Variants in MYCT1 observed in about 807,000 individuals in gnomAD.
The protein encoded by MYCT1 is myc target protein 1.
MYCT1 carries 12 observed loss-of-function variants against 15.0 expected under a neutral mutation model. The observed-to-expected ratio is 0.80, with a 90% CI of 0.51 to 1.29. The LOEUF is 1.29. Among genes scored for constraint, MYCT1 ranks in the 50% most tolerant of loss-of-function variants. MYCT1 has a pLI of 0.00. For missense variants in MYCT1, 287 were observed against 279.1 expected (o/e 1.03, Z -0.20); for synonymous variants, 104 against 102.7 (o/e 1.01, Z -0.07).
rs1583978954 is a variant in MYCT1, at chr6:152,723,891, A to T, written c.*1638A>T. 6.6e-6 allele frequency: 1 copy of T among 152,236 alleles called. No homozygotes were observed. Among genetic ancestry groups the T allele is most frequent in the East Asian group, 1.9e-4 (1 of 5,202 alleles). The allele number at this position is 152,236 out of a possible 1,614,324, so 9.4% of individuals were successfully genotyped here. A position where few individuals can be genotyped will look rare whatever the true frequency, so the allele number is the denominator to read the frequency against. On this transcript the variant is annotated 3_prime_UTR_variant, in exon 2 of 2. Coordinates refer to ENST00000367245, the MANE Select transcript of MYCT1 (RefSeq NM_025107.3). ...TGAACAGTGGGATTTTCAGTGAAAAAGTACCCTCTTTTTCATTTCCTATTG... is the reference window on the plus strand; with the variant it reads ...TGAACAGTGGGATTTTCAGTGAAAATGTACCCTCTTTTTCATTTCCTATTG...
At chr6:152,728,207 C>T (rs1397669884), downstream of MYCT1, among the ~76,000 whole-genome samples, 2 of 151,534 alleles carry the variant, frequency 1.3e-5, no homozygotes, top group Non-Finnish European at 2.9e-5. Flanking sequence ...AGGTAAGCCT[C>T]TGCTTAGCTA....
At chr6:152,706,593 G>A (rs889072921) in intron 1 of MYCT1, among the ~76,000 whole-genome samples, 3 of 152,078 alleles carry the variant, frequency 2.0e-5, no homozygotes, top group East Asian at 3.9e-4. Context: ...TTTGTTTAAA[G>A]TTAAAAATAC....
intron 1 of MYCT1, among the ~76,000 whole-genome samples, chr6:152,706,847 A>G (rs1406963309): frequency 1.1e-4 from 16 of 148,198 alleles, no homozygotes; most frequent in African/African-American, 2.5e-4. Context: ...GAAACCATAT[A>G]TGTGTGTGTG....
At chr6:152,706,035 A>G in intron 1 of MYCT1, 1 of 1,086,196 alleles carries the variant, frequency 9.2e-7, no homozygotes. Flanking sequence ...TACAGCAGAA[A>G]TTGTAGTCAC....
At chr6:152,698,999 T>C (rs2099720886) in intron 1 of MYCT1, among the ~76,000 whole-genome samples, 1 of 152,162 alleles carries the variant, frequency 6.6e-6, no homozygotes, top group African/African-American at 2.4e-5. Context: ...GCAATTTAAA[T>C]TAAATTCAGA....
rs1182180505 is a variant in MYCT1, at chr6:152,712,699, T to G, written c.197-9043T>G. Among the ~76,000 whole-genome samples, 7 of 152,290 alleles carry G rather than the reference T, an allele frequency of 4.6e-5. No individual in the cohort carries two copies. The South Asian group carries it at 1.2e-3, about 27-fold the overall frequency. On this transcript the variant is annotated intron_variant, in intron 1 of 1. Transcript: ENST00000367245. ...CACTACTATACTTAAGGGATACTTT[T>G]GCTGGATATAAAATTCTGAGTTGAC...
At chr6:152,715,448 C>T (rs1290825493) in intron 1 of MYCT1, among the ~76,000 whole-genome samples, 2 of 152,102 alleles carry the variant, frequency 1.3e-5, no homozygotes, top group African/African-American at 2.4e-5. Flanking sequence ...CACAAAAAGG[C>T]ATCTACAATT....
At chr6:152,734,285 G>A in the MYCT1 span, among the ~76,000 whole-genome samples, 3 of 152,094 alleles carry the variant, frequency 2.0e-5, no homozygotes, top group East Asian at 5.8e-4. Flanking sequence ...TTATTCTAAG[G>A]ATTTCAGTCC....
chr6:152,738,472 T>C, the MYCT1 span, among the ~76,000 whole-genome samples: 1 of 152,090 alleles, frequency 6.6e-6, no homozygotes, highest in African/African-American at 2.4e-5. Flanking sequence ...AGGTTTTCAC[T>C]AGAGGTTTTC....
Position 152,712,613 on chromosome 6 carries a change from G to A in MYCT1, c.197-9129G>A, listed in dbSNP as rs1440287995. ...TTCTGCGTCGCTCACCCTGGGAGCT[G>A]TAGACCGGAGCTGTTCCTATTCGGC... On this transcript the variant is annotated intron_variant, in intron 1 of 1. Coordinates refer to ENST00000367245, the MANE Select transcript of MYCT1 (RefSeq NM_025107.3). Among the ~76,000 whole-genome samples the A allele has an allele frequency of 6.7e-4, 11 of 16,486 alleles. 5 individuals carry two copies. Among genetic ancestry groups the A allele is most frequent in the African/African-American group, 1.2e-3 (11 of 9,034 alleles). The allele number at this position is 16,486 out of a possible 152,430, so 10.8% of individuals were successfully genotyped here.
Position 152,721,977 on chromosome 6 carries a change from C to A in MYCT1, c.432C>A (p.Phe144Leu). The stretch of plus-strand genomic sequence containing the variant: ...ACCTCAGCCTGGCCAGTCTCACCTT[C>A]CAGCGACAAGCTTCCCTGGAACAAG... ...RSNLSLASLT[F>L]QRQASLEQAN... The change falls in exon 2 of 2, where the codon TTC becomes TTA. Residue 144 changes from phenylalanine (F) to leucine (L), a missense_variant. Transcript: ENST00000367245. 6.2e-7 allele frequency: 1 copy of A among 1,614,156 alleles called. No homozygotes were observed. The highest frequency in any genetic ancestry group is 2.2e-5 in the East Asian group (1 of 44,888).
Position 152,706,219 on chromosome 6 carries a change from G to A in MYCT1, c.196+8121G>A. The A allele has an allele frequency of 3.5e-5, 27 of 776,736 alleles. No individual in the cohort carries two copies. The South Asian group carries it at 3.6e-4, about 10-fold the overall frequency. The allele number at this position is 776,736 out of a possible 1,614,324, so 48.1% of individuals were successfully genotyped here. ...CCAATAACTTCAGAGAAGTCAGTTG[G>A]AGAAAATGAAGGAAAGGCTGGCTGA... On this transcript the variant is annotated intron_variant, in intron 1 of 1. Transcript: ENST00000367245.
intron 1 of MYCT1, among the ~76,000 whole-genome samples, chr6:152,714,950 C>T (rs930294440): frequency 6.6e-6 from 1 of 151,994 alleles, no homozygotes; most frequent in African/African-American, 2.4e-5. Context: ...GAGGTCTGGT[C>T]TTTCTCCTGT....
At chr6:152,714,237 T>C (rs982693621) in intron 1 of MYCT1, among the ~76,000 whole-genome samples, 2 of 146,044 alleles carry the variant, frequency 1.4e-5, no homozygotes, top group Admixed American at 1.4e-4. Context: ...TTCCAATTAG[T>C]ATTTTATTCA....
At chr6:152,703,874 T>A (rs1228455607) in intron 1 of MYCT1, among the ~76,000 whole-genome samples, 4 of 152,112 alleles carry the variant, frequency 2.6e-5, no homozygotes. Context: ...GTGTAGAAAT[T>A]GAGGGATTGT....
the MYCT1 span, among the ~76,000 whole-genome samples, chr6:152,734,909 G>T: frequency 1.3e-5 from 2 of 152,088 alleles, no homozygotes; most frequent in Non-Finnish European, 2.9e-5. Context: ...GACTTCTTAA[G>T]TGTAAACTGA....
the MYCT1 span, among the ~76,000 whole-genome samples, chr6:152,734,536 G>A: frequency 1.3e-5 from 2 of 152,158 alleles, no homozygotes; most frequent in Admixed American, 1.3e-4. Context: ...AATAAGAGGT[G>A]GGAGCTGCGT....
In MYCT1 at chr6:152,724,528, A is replaced by T. The variant is rs895257722; in HGVS notation, c.*2275A>T. On this transcript the variant is annotated 3_prime_UTR_variant, in exon 2 of 2. Coordinates refer to ENST00000367245, the MANE Select transcript of MYCT1 (RefSeq NM_025107.3). ...ACTTTTAATGTATTTCTTTAATTTG[A>T]AATGTTTTGTGGATTGTGAAATAAA... 1 of 152,194 alleles carries T rather than the reference A, an allele frequency of 6.6e-6. No homozygotes were observed. Among genetic ancestry groups the T allele is most frequent in the Non-Finnish European group, 1.5e-5 (1 of 68,030 alleles). 9.4% of individuals were successfully genotyped at this position (152,194 alleles called of 1,614,324 possible).
At chr6:152,733,435 C>T in the MYCT1 span, among the ~76,000 whole-genome samples, 1 of 152,162 alleles carries the variant, frequency 6.6e-6, no homozygotes, top group Non-Finnish European at 1.5e-5. Flanking sequence ...TTTTGCTCAG[C>T]CTCTTTCTAC....
Sources: gnomAD v4.1 joint callset for allele counts (sites outside exome capture counted in the v4.1 genomes callset) on GRCh38, gnomAD v4.1.1 for gene constraint, MANE v1.5 for transcripts, NCBI Gene and HGNC (gene_info 2026-07-23, HGNC 2026-07-21) for gene names.